The following MYO18B variants were observed in gnomAD, a reference collection of about 807,000 sequenced individuals.
MYO18B encodes unconventional myosin-XVIIIb.
In MYO18B, 204 loss-of-function variants were observed where a neutral mutation model predicts 273.0. The observed-to-expected ratio is 0.75, with a 90% CI of 0.67 to 0.84. The LOEUF (loss-of-function observed/expected upper bound fraction) is 0.84. Among genes scored for constraint, MYO18B ranks in the 40% least tolerant of loss-of-function variants. MYO18B has a pLI of 0.00. For synonymous variants in MYO18B, 1,330 were observed against 1,305.7 expected (o/e 1.02, Z -0.40); for missense variants, 3,212 against 3,287.6 (o/e 0.98, Z 0.56).
intron 34 of MYO18B, among the ~76,000 whole-genome samples, chr22:25,945,777 G>A (rs1308756241): frequency 9.1e-4 from 1 of 1,102 alleles, no homozygotes; most frequent in Non-Finnish European, 1.4e-3. Flanking sequence ...CCCTCCCCTC[G>A]CCTCCCCTCC....
chr22:25,871,948 G>A (rs186462395), intron 22 of MYO18B, among the ~76,000 whole-genome samples: 73 of 151,498 alleles, frequency 4.8e-4, no homozygotes, highest in African/African-American at 1.6e-3. Context: ...TGTAATATAC[G>A]ATCTGGTGCT....
chr22:25,777,062 A>G (rs2086942995), intron 7 of MYO18B, among the ~76,000 whole-genome samples: 1 of 152,130 alleles, frequency 6.6e-6, no homozygotes. Context: ...CATAGTAGAC[A>G]CTCAATGGAT....
intron 34 of MYO18B, among the ~76,000 whole-genome samples, chr22:25,927,344 G>A (rs1351166283): frequency 1.3e-5 from 2 of 152,136 alleles, no homozygotes; most frequent in Non-Finnish European, 2.9e-5. Flanking sequence ...TGGAGGTATA[G>A]GCTTATAAAC....
intron 10 of MYO18B, 48 bp from the exon 11 acceptor site, chr22:25,785,380 G>A: frequency 6.4e-7 from 1 of 1,562,362 alleles, no homozygotes; most frequent in South Asian, 1.2e-5. Context: ...CCCTGCCAGG[G>A]CTGGTGTGGA....
intron 7 of MYO18B, among the ~76,000 whole-genome samples, chr22:25,774,531 G>A (rs550765702): frequency 6.6e-6 from 1 of 152,238 alleles, no homozygotes; most frequent in African/African-American, 2.4e-5. Flanking sequence ...GCATTGGTAC[G>A]CACTCTGAAG....
chr22:26,016,787 A>G (rs923587323), intron 42 of MYO18B, among the ~76,000 whole-genome samples: 5 of 152,202 alleles, frequency 3.3e-5, no homozygotes, highest in Admixed American at 6.5e-5. Flanking sequence ...TAAATAGACA[A>G]CCACAGTACA....
At position 26,003,104 on chromosome 22, in the gene MYO18B, G is replaced by A. The variant is rs58171058; in HGVS notation, c.6288-161G>A. On this transcript the variant is annotated intron_variant, in intron 40 of 43. Transcript: ENST00000335473. ...CCATTATTTGCCACATTTTAGGAAG[G>A]AAGAAAGGAAGCTCAGGGAAGGCAA... Among the ~76,000 whole-genome samples, 1,064 of 152,210 alleles carry A rather than the reference G, an allele frequency of 7.0e-3. 16 individuals are homozygous for A. The highest frequency in any genetic ancestry group is 0.039 in the East Asian group (199 of 5,162).
intron 34 of MYO18B, among the ~76,000 whole-genome samples, chr22:25,937,369 C>G (rs913352152): frequency 3.3e-5 from 5 of 152,100 alleles, no homozygotes; most frequent in Non-Finnish European, 7.3e-5. Flanking sequence ...CAGCTGTAAG[C>G]CACCATGCCC....
intron 25 of MYO18B, among the ~76,000 whole-genome samples, chr22:25,885,141 C>T (rs1186628944): frequency 2.6e-5 from 4 of 152,156 alleles, no homozygotes; most frequent in Non-Finnish European, 5.9e-5. Context: ...ATGTTCTGTG[C>T]CAGCTGCTGC....
chr22:25,935,595 AG>A lies in MYO18B; in HGVS notation c.5518-10541del, dbSNP rs1426339353. Among the ~76,000 whole-genome samples, 46 of 136,230 alleles carry A rather than the reference AG, an allele frequency of 3.4e-4. 1 individual carries two copies. Among genetic ancestry groups the A allele is most frequent in the Admixed American group, 9.1e-4 (13 of 14,296 alleles). The allele number at this position is 136,230 out of a possible 152,430, so 89.4% of individuals were successfully genotyped here. A position where few individuals can be genotyped will look rare whatever the true frequency, so the allele number is the denominator to read the frequency against. On this transcript the variant is annotated intron_variant, in intron 34 of 43. Transcript: ENST00000335473. Reference sequence around the variant, plus strand: ...GGGAAAGGGGAAAGGAGAAAAGAAGAGAAAAAAAAAAACCCTGTGTCTTAGA... The same window carrying A: ...GGGAAAGGGGAAAGGAGAAAAGAAGAAAAAAAAAAAACCCTGTGTCTTAGA...
rs1045651271 is a variant in MYO18B, at chr22:25,883,940, C to T, written c.4314+5892C>T. Among the ~76,000 whole-genome samples, 7 of 152,044 alleles carry T rather than the reference C, an allele frequency of 4.6e-5. No homozygotes were observed. Among genetic ancestry groups the T allele is most frequent in the Non-Finnish European group, 7.4e-5 (5 of 68,018 alleles). On this transcript the variant is annotated intron_variant, in intron 25 of 43. Coordinates refer to ENST00000335473, the MANE Select transcript of MYO18B (RefSeq NM_032608.7). The surrounding 1 kb of genome is among the most constrained non-coding windows in gnomAD (Gnocchi z 7.6). ...GGGTTTTTTTATTTTCATAAGAAGG[C>T]AGTGCTGGCCTTCTTGTTGGAAGCA...
chr22:25,769,141 C>A lies in MYO18B; in HGVS notation c.1225C>A (p.Arg409=). 1.9e-6 allele frequency: 3 copies of A among 1,613,416 alleles called. No individual in the cohort carries two copies. The highest frequency in any genetic ancestry group is 8.5e-7 in the Non-Finnish European group (1 of 1,179,676). Residue 409 remains arginine, a synonymous_variant, in exon 4 of 44, where the codon CGG becomes AGG. Transcript: ENST00000335473. ...QGKSGNAGEA[R]SQTEKGCEAP... is the part of the protein sequence containing the mutation. ...TAAGTCCGGGAACGCAGGTGAAGCT[C>A]GGAGTCAGACAGAGAAGGGCTGTGA...
the MYO18B span, among the ~76,000 whole-genome samples, chr22:26,037,170 C>T: frequency 6.6e-6 from 1 of 152,152 alleles, no homozygotes; most frequent in South Asian, 2.1e-4. Flanking sequence ...TGGGAGGCAA[C>T]GGGGACCAGT....
intron 34 of MYO18B, among the ~76,000 whole-genome samples, chr22:25,934,702 G>T (rs144802461): frequency 2.5e-4 from 38 of 152,270 alleles, no homozygotes; most frequent in Non-Finnish European, 4.7e-4. Flanking sequence ...TCACAGGTAG[G>T]TGAGAGAAAA....
intron 34 of MYO18B, among the ~76,000 whole-genome samples, chr22:25,940,544 A>G (rs1279642727): frequency 2.0e-5 from 3 of 152,208 alleles, no homozygotes; most frequent in Non-Finnish European, 4.4e-5. Context: ...ACAGGCTCAT[A>G]GATGGAGGTA....
At chr22:25,755,284 G>T (rs923210945) in intron 1 of MYO18B, among the ~76,000 whole-genome samples, 1 of 151,836 alleles carries the variant, frequency 6.6e-6, no homozygotes, top group African/African-American at 2.4e-5. Context: ...TCGGCTCACC[G>T]CAACCTCCGC....
rs2093058396 is a variant in MYO18B, at chr22:25,973,602, G to GGAAATTACATT, written c.6156+18238_6156+18239insGAAATTACATT. 2.0e-5 allele frequency among the ~76,000 whole-genome samples: 3 copies of GGAAATTACATT among 152,300 alleles called. No individual in the cohort carries two copies. The South Asian group carries it at 6.2e-4, about 32-fold the overall frequency. ...CTCACAGGGATATTTACATTTAATT[G>GGAAATTACATT]AAGTGGAATAAAATTTAAAATTCAG... On this transcript the variant is annotated intron_variant, in intron 39 of 43. Transcript: ENST00000335473.
At position 25,846,119 on chromosome 22, in the gene MYO18B, TTCCAG is replaced by T; in HGVS notation, c.3389_3393del (p.Phe1130CysfsTer93). The T allele has an allele frequency of 6.3e-7, 1 of 1,585,568 alleles. No homozygotes were observed. Among genetic ancestry groups the T allele is most frequent in the Non-Finnish European group, 8.6e-7 (1 of 1,168,664 alleles). ...CACCAGAGAGGAGCTGCGGAGTCTA[TTCCAG>T]GCCCGGGCCAAGCTGCCTCCTGTGT... On this transcript the variant is annotated frameshift_variant, in exon 19 of 44. Coordinates refer to ENST00000335473, the MANE Select transcript of MYO18B (RefSeq NM_032608.7). LOFTEE classifies it high-confidence loss of function.
At chr22:25,749,543 C>G (rs1295445202) in intron 1 of MYO18B, among the ~76,000 whole-genome samples, 2 of 152,180 alleles carry the variant, frequency 1.3e-5, no homozygotes, top group Non-Finnish European at 2.9e-5. Context: ...CCTCCCAGAG[C>G]CTTCCATTGG....
Sources: gnomAD v4.1 joint callset for allele counts (sites outside exome capture counted in the v4.1 genomes callset) on GRCh38, gnomAD v4.1.1 for gene constraint, Gnocchi (gnomAD v3.1) non-coding constraint, MANE v1.5 for transcripts, NCBI Gene and HGNC (gene_info 2026-07-23, HGNC 2026-07-21) for gene names.